RASAL1: variants seen among roughly 807,000 people sequenced by gnomAD.
The protein encoded by RASAL1 is RAS protein activator like 1.
A neutral mutation model predicts 96.6 loss-of-function variants in RASAL1; 72 were observed. That is an observed-to-expected ratio of 0.75 (90% CI 0.62 to 0.91). The LOEUF (loss-of-function observed/expected upper bound fraction) is 0.91, where lower values mean the gene tolerates loss of function less well. Ranked by LOEUF, RASAL1 falls within the 40% of genes least tolerant of loss-of-function variation. The pLI, the probability that RASAL1 is intolerant of heterozygous loss-of-function variation, is 0.00. For synonymous variants in RASAL1, 405 were observed against 430.4 expected (o/e 0.94, Z 0.73); for missense variants, 1,016 against 1,072.5 (o/e 0.95, Z 0.74).
At position 113,102,080 on chromosome 12, in the gene RASAL1, G is replaced by A. The variant is rs374128392; in HGVS notation, c.2105-71C>T. ...CAGAAGCCTCCACAGCCAGGCATTC[G>A]CCAAGCCGTGCTCCTTCTTCCTGTA... On this transcript the variant is annotated intron_variant, in intron 18 of 20. Transcript: ENST00000548055. The A allele has an allele frequency of 1.6e-5, 24 of 1,542,850 alleles. No homozygotes were observed. In the African/African-American group the frequency reaches 2.5e-4, roughly 16 times the overall value.
intron 7 of RASAL1, among the ~76,000 whole-genome samples, chr12:113,117,392 G>A (rs1455087092): frequency 6.6e-6 from 1 of 152,214 alleles, no homozygotes; most frequent in Non-Finnish European, 1.5e-5. Flanking sequence ...TGAGGAAACT[G>A]AGGCTCAGCG....
rs776914173 is a variant in RASAL1 at position 113,115,795 on chromosome 12, G to C, written c.850-7C>G. ...AGGGGCTAGCAGTGTCCTCCTGGGT[G>C]GGGGCGGGAGACAAAGATGACCTCG... On this transcript the variant is annotated splice_polypyrimidine_tract_variant and splice_region_variant and intron_variant, in intron 9 of 20. Transcript: ENST00000548055. This position sits in a 1 kb window ranked among gnomAD's most constrained non-coding sequence, Gnocchi z 4.1. The C allele has an allele frequency of 6.2e-7, 1 of 1,613,790 alleles. No homozygotes were observed. Among genetic ancestry groups the C allele is most frequent in the Non-Finnish European group, 8.5e-7 (1 of 1,179,808 alleles).
At chr12:113,103,282 T>C (rs190860705) in intron 18 of RASAL1, among the ~76,000 whole-genome samples, 254 of 150,982 alleles carry the variant, frequency 1.7e-3, no homozygotes, top group African/African-American at 5.2e-3. Flanking sequence ...ATACATTGTA[T>C]ATACATTGTT....
chr12:113,135,742 T>G lies in RASAL1; in HGVS notation c.-280A>C. 6.0e-6 allele frequency: 1 copy of G among 166,990 alleles called. No homozygotes were observed. Among genetic ancestry groups the G allele is most frequent in the Non-Finnish European group, 1.2e-5 (1 of 83,918 alleles). The allele number at this position is 166,990 out of a possible 1,614,324, so 10.3% of individuals were successfully genotyped here. On this transcript the variant is annotated 5_prime_UTR_variant, in exon 1 of 21. Transcript: ENST00000548055. This position sits in a 1 kb window ranked among gnomAD's most constrained non-coding sequence, Gnocchi z 5.7. The stretch of plus-strand genomic sequence containing the variant: ...GGGCTCTTGCCGAGGCGTCTGGAGC[T>G]CCAGACAAGCAGGCTGGGCGGGCAG...
Position 113,115,746 on chromosome 12 carries a change from AG to A in RASAL1, c.891del (p.Leu298TrpfsTer13), listed in dbSNP as rs1473265686. ...GCAAGGTCCTGGCGGCAGTCCCCCA[AG>A]GTCAGCTCTTCCAGCAAAGCCAAGG... ...ASPLALLEEL[T>X]LGDCRQDLAT... On this transcript the variant is annotated frameshift_variant, in exon 10 of 21. Transcript: ENST00000548055. LOFTEE classifies it high-confidence loss of function. The surrounding 1 kb of genome is among the most constrained non-coding windows in gnomAD (Gnocchi z 4.1). 6.2e-7 allele frequency: 1 copy of A among 1,613,810 alleles called. No individual in the cohort carries two copies. The highest frequency in any genetic ancestry group is 8.5e-7 in the Non-Finnish European group (1 of 1,179,952).
At position 113,108,229 on chromosome 12, in the gene RASAL1, G is replaced by A. The variant is rs1209485954; in HGVS notation, c.1375-7C>T. ...TGGCCAGGTACTTCACATCCTGCTG[G>A]GAGGAGCAGAAGGTAAGAGGAGCCC... On this transcript the variant is annotated splice_region_variant and splice_polypyrimidine_tract_variant and intron_variant, in intron 13 of 20. Coordinates refer to ENST00000548055, the MANE Select transcript of RASAL1 (RefSeq NM_001301202.2). 7 of 1,608,678 alleles carry A rather than the reference G, an allele frequency of 4.4e-6. No homozygotes were observed. In the East Asian group the frequency reaches 6.7e-5, roughly 15 times the overall value.
intron 4 of RASAL1, 88 bp from the exon 5 acceptor site, chr12:113,121,726 A>AT (rs368508759): frequency 0.059 from 67,266 of 1,137,824 alleles, 8 homozygotes; most frequent in Non-Finnish European, 0.064. Flanking sequence ...CATTATTTTC[A>AT]TTTTTTTTTT....
chr12:113,130,640 C>T lies in RASAL1; in HGVS notation c.122+245G>A, dbSNP rs1951668548. 6.6e-6 allele frequency among the ~76,000 whole-genome samples: 1 copy of T among 152,218 alleles called. No individual in the cohort carries two copies. Among genetic ancestry groups the T allele is most frequent in the Admixed American group, 6.5e-5 (1 of 15,290 alleles). Reference sequence around the variant, plus strand: ...CCCAGGGAGGCCACTGTAGGAGGCACAGGCTGGCAGCGCTGAGTCAGCCCC... The same window carrying T: ...CCCAGGGAGGCCACTGTAGGAGGCATAGGCTGGCAGCGCTGAGTCAGCCCC... On this transcript the variant is annotated intron_variant, in intron 2 of 20. Transcript: ENST00000548055. This position sits in a 1 kb window ranked among gnomAD's most constrained non-coding sequence, Gnocchi z 5.1.
chr12:113,131,932 C>T (rs73207101), intron 1 of RASAL1, among the ~76,000 whole-genome samples: 10,656 of 151,754 alleles, frequency 0.07, 399 homozygotes, highest in Non-Finnish European at 0.087. Flanking sequence ...AAAATGACCT[C>T]CACCTAAAAT....
intron 13 of RASAL1, among the ~76,000 whole-genome samples, chr12:113,110,426 A>T (rs1461749168): frequency 1.3e-5 from 2 of 152,182 alleles, no homozygotes; most frequent in Non-Finnish European, 2.9e-5. Context: ...TCCTGGTCTG[A>T]TACATCAGCA....
intron 2 of RASAL1, among the ~76,000 whole-genome samples, chr12:113,128,763 A>T (rs1951589722): frequency 6.6e-6 from 1 of 152,214 alleles, no homozygotes; most frequent in South Asian, 2.1e-4. Flanking sequence ...TCCTAAAAAC[A>T]TGTACCTTTG....
rs12423838 is a variant in RASAL1, at chr12:113,104,300, T to C, written c.1831-2A>G. 1 of 1,558,838 alleles carries C rather than the reference T, an allele frequency of 6.4e-7. No individual in the cohort carries two copies. The highest frequency in any genetic ancestry group is 1.9e-5 in the Admixed American group (1 of 51,864). ...AGACACGGGGATGGAGTGACACATC[T>C]GGGGAAGAGGATTGTCGCTGCAGGA... On this transcript the variant is annotated splice_acceptor_variant, in intron 16 of 20. Transcript: ENST00000548055. LOFTEE classifies it high-confidence loss of function.
intron 4 of RASAL1, among the ~76,000 whole-genome samples, chr12:113,126,380 G>A (rs1001959135): frequency 1.3e-5 from 2 of 151,370 alleles, no homozygotes; most frequent in Non-Finnish European, 2.9e-5. Flanking sequence ...GAAAAACACA[G>A]TATTAAGAGC....
In RASAL1 at chr12:113,108,152, T is replaced by G. The variant is rs1254616744; in HGVS notation, c.1445A>C (p.Lys482Thr). The G allele has an allele frequency of 1.2e-6, 2 of 1,613,792 alleles. No individual in the cohort carries two copies. The highest frequency in any genetic ancestry group is 4.5e-5 in the East Asian group (2 of 44,866). Reference protein sequence around the residue: ...RFFAPAILTPKLFDLRDQHAD... With the variant: ...RFFAPAILTPTLFDLRDQHAD... The stretch of plus-strand genomic sequence containing the variant: ...GTGTTGGTCCCGAAGGTCAAACAGC[T>G]TTGGGGTAAGGATGGCAGGTGCGAA... The change falls in exon 14 of 21, where the codon AAG becomes ACG. Residue 482 changes from lysine (K) to threonine (T), a missense_variant. Physicochemically the swap from Lys to Thr is moderately conservative, Grantham distance 78. Coordinates refer to ENST00000548055, the MANE Select transcript of RASAL1 (RefSeq NM_001301202.2).
upstream of RASAL1, chr12:113,135,771 G>A (rs1252458025): frequency 7.2e-6 from 2 of 277,276 alleles, no homozygotes; most frequent in African/African-American, 2.2e-5. This position sits in a 1 kb window ranked among gnomAD's most constrained non-coding sequence, Gnocchi z 5.7. Flanking sequence ...CGGGCAGGGG[G>A]CGGGAGGGGC....
chr12:113,121,558 G>C lies in RASAL1; in HGVS notation c.379C>G (p.Leu127Val), dbSNP rs771907622. Residue 127 changes from leucine (L) to valine (V), a missense_variant, in exon 5 of 21, where the codon CTG becomes GTG. Physicochemically the swap from Leu to Val is conservative, Grantham distance 32. Transcript: ENST00000548055. ...QGEICLSVQM[L>V]EDGQGRCLRC... is the part of the protein sequence containing the mutation. The stretch of plus-strand genomic sequence containing the variant: ...AGGCAGCGGCCCTGCCCATCCTCCA[G>C]CATCTGCACTGACAGGCAGATCTCA... The C allele has an allele frequency of 6.2e-7, 1 of 1,614,170 alleles. No individual in the cohort carries two copies. The highest frequency in any genetic ancestry group is 8.5e-7 in the Non-Finnish European group (1 of 1,180,036).
Position 113,121,587 on chromosome 12 carries a change from T to C in RASAL1, c.350A>G (p.Gln117Arg). ...LSRVDPDAEV[Q>R]GEICLSVQML... The stretch of plus-strand genomic sequence containing the variant: ...CTGCACTGACAGGCAGATCTCACCC[T>C]GCACTTCTGCATCTGGGTCCACTCG... The change falls in exon 5 of 21, where the codon CAG becomes CGG. Residue 117 changes from glutamine (Q) to arginine (R), a missense_variant. By Grantham distance (43) the Gln-to-Arg change is conservative (BLOSUM62 1). Transcript: ENST00000548055. 1.2e-6 allele frequency: 2 copies of C among 1,614,242 alleles called. No homozygotes were observed. Among genetic ancestry groups the C allele is most frequent in the Non-Finnish European group, 1.7e-6 (2 of 1,180,052 alleles).
At position 113,129,782 on chromosome 12, in the gene RASAL1, AC is replaced by A. The variant is rs1482236123; in HGVS notation, c.122+1102del. Among the ~76,000 whole-genome samples the A allele has an allele frequency of 2.0e-5, 3 of 151,998 alleles. No individual in the cohort carries two copies. The highest frequency in any genetic ancestry group is 7.3e-5 in the African/African-American group (3 of 41,370). ...GCCCAGCGGCACCAACCTCAGATGG[AC>A]CCCCAGTGCTTCCTCCCAAATACCC... On this transcript the variant is annotated intron_variant, in intron 2 of 20. Transcript: ENST00000548055. The surrounding 1 kb of genome is among the most constrained non-coding windows in gnomAD (Gnocchi z 5.0).
rs1339031428 is a variant in RASAL1 at position 113,110,777 on chromosome 12, T to A, written c.1374+1309A>T. Among the ~76,000 whole-genome samples, 3 of 152,094 alleles carry A rather than the reference T, an allele frequency of 2.0e-5. No homozygotes were observed. The East Asian group carries it at 5.8e-4, about 29-fold the overall frequency. ...CTAGAAAAATAAATAATTAGCTGGG[T>A]GTGGTGGTGCACCCCTCTAGTCCCA... On this transcript the variant is annotated intron_variant, in intron 13 of 20. Transcript: ENST00000548055.
Sources: gnomAD v4.1 joint callset for allele counts (sites outside exome capture counted in the v4.1 genomes callset) on GRCh38, gnomAD v4.1.1 for gene constraint, Gnocchi (gnomAD v3.1) non-coding constraint, MANE v1.5 for transcripts, NCBI Gene and HGNC (gene_info 2026-07-23, HGNC 2026-07-21) for gene names.